SH3RF3: variants seen among roughly 807,000 people sequenced by gnomAD.
SH3RF3 encodes the protein SH3 domain containing ring finger 3, also known as E3 ubiquitin-protein ligase SH3RF3.
A neutral mutation model predicts 66.3 loss-of-function variants in SH3RF3; 29 were observed. The observed-to-expected ratio is 0.44, with a 90% CI of 0.33 to 0.60. The LOEUF is 0.60. Ranked by LOEUF, SH3RF3 falls within the 20% of genes least tolerant of loss-of-function variation. The probability of loss-of-function intolerance (pLI) is 0.04; values close to 1 mark genes in which losing one functional copy is unlikely to be tolerated. For missense variants in SH3RF3, 1,194 were observed against 1,190.9 expected (o/e 1.00, Z -0.04); for synonymous variants, 583 against 532.0 (o/e 1.10, Z -1.32).
chr2:109,240,850 C>T (rs1212654393), intron 1 of SH3RF3, among the ~76,000 whole-genome samples: 2 of 150,774 alleles, frequency 1.3e-5, no homozygotes, highest in African/African-American at 4.9e-5. Context: ...ACCCCCACCC[C>T]CACCCCTGCC....
At chr2:109,180,566 T>C (rs1269072742) in intron 1 of SH3RF3, among the ~76,000 whole-genome samples, 1 of 152,184 alleles carries the variant, frequency 6.6e-6, no homozygotes, top group Non-Finnish European at 1.5e-5. Flanking sequence ...AATTGAATCA[T>C]GGGGGTGGTT....
chr2:109,304,406 C>A (rs1208663474), intron 1 of SH3RF3, among the ~76,000 whole-genome samples: 3 of 152,152 alleles, frequency 2.0e-5, no homozygotes, highest in African/African-American at 7.2e-5. Context: ...CATGTTGTCA[C>A]AAATGACAAG....
intron 1 of SH3RF3, among the ~76,000 whole-genome samples, chr2:109,215,488 C>T (rs111247165): frequency 1.3e-4 from 20 of 152,120 alleles, no homozygotes; most frequent in African/African-American, 4.3e-4. Flanking sequence ...GGGAGGTAGC[C>T]GGGCCCTGAT....
At chr2:109,358,205 T>A (rs1682990376) in intron 2 of SH3RF3, among the ~76,000 whole-genome samples, 1 of 152,236 alleles carries the variant, frequency 6.6e-6, no homozygotes. Flanking sequence ...GGTCCTTCCA[T>A]GTCTTTTCAT....
intron 4 of SH3RF3, among the ~76,000 whole-genome samples, chr2:109,408,350 G>A (rs978391026): frequency 2.0e-5 from 3 of 152,176 alleles, no homozygotes; most frequent in Admixed American, 1.3e-4. Flanking sequence ...CTGGACGGGA[G>A]GACTGTGAGG....
At chr2:109,390,141 G>A (rs1675944908) in intron 3 of SH3RF3, among the ~76,000 whole-genome samples, 2 of 152,342 alleles carry the variant, frequency 1.3e-5, no homozygotes, top group South Asian at 4.1e-4. Context: ...GCTGCCAAGG[G>A]TCTGAGGTCT....
chr2:109,173,754 T>C (rs1677855952), intron 1 of SH3RF3, among the ~76,000 whole-genome samples: 1 of 152,158 alleles, frequency 6.6e-6, no homozygotes. Context: ...GGGACTGTGG[T>C]AGCCTGCCTG....
chr2:109,332,558 T>G (rs537055457), intron 1 of SH3RF3, among the ~76,000 whole-genome samples: 1 of 152,286 alleles, frequency 6.6e-6, no homozygotes, highest in South Asian at 2.1e-4. Flanking sequence ...TCCCCGCAGT[T>G]CAGCCCTCTC....
At chr2:109,191,454 G>A (rs1574495227) in intron 1 of SH3RF3, among the ~76,000 whole-genome samples, 1 of 152,182 alleles carries the variant, frequency 6.6e-6, no homozygotes, top group African/African-American at 2.4e-5. Context: ...ATGTGTTTGG[G>A]TGCGGCCAGG....
At chr2:109,237,380 CAA>C (rs758484627) in intron 1 of SH3RF3, among the ~76,000 whole-genome samples, 3 of 152,028 alleles carry the variant, frequency 2.0e-5, no homozygotes, top group African/African-American at 7.2e-5. Flanking sequence ...TTCAAAGTAA[CAA>C]AGAGTATAAA....
intron 1 of SH3RF3, among the ~76,000 whole-genome samples, chr2:109,216,153 G>A (rs111706485): frequency 0.017 from 2,612 of 152,254 alleles, 37 homozygotes; most frequent in Non-Finnish European, 0.027. Flanking sequence ...GCATCGGTGG[G>A]GAGTGAGTCG....
Position 109,129,681 on chromosome 2 carries a change from C to G in SH3RF3, c.141C>G (p.Asp47Glu). ...CCGCGGGGGCGGGCGAGGACATGGA[C>G]GAGTCGTCGCTGCTGGACCTGCTGG... ...ATAAGAGEDMDESSLLDLLEC... is the reference protein window; with the variant it reads ...ATAAGAGEDMEESSLLDLLEC... The change falls in exon 1 of 10, where the codon GAC becomes GAG. Residue 47 changes from aspartate (D) to glutamate (E), a missense_variant. By Grantham distance (45) the Asp-to-Glu change is conservative. Coordinates refer to ENST00000309415, the MANE Select transcript of SH3RF3 (RefSeq NM_001099289.3). The G allele has an allele frequency of 1.3e-6, 2 of 1,524,502 alleles. No individual in the cohort carries two copies. Among genetic ancestry groups the G allele is most frequent in the South Asian group, 2.4e-5 (2 of 81,978 alleles). 94.4% of individuals were successfully genotyped at this position (1,524,502 alleles called of 1,614,324 possible).
chr2:109,307,396 G>A (rs543257905), intron 1 of SH3RF3, among the ~76,000 whole-genome samples: 15 of 151,966 alleles, frequency 9.9e-5, no homozygotes, highest in Non-Finnish European at 1.9e-4. Flanking sequence ...TGCTCTGGGC[G>A]GAAGCTTGGA....
chr2:109,323,950 T>A (rs1325007034), intron 1 of SH3RF3, among the ~76,000 whole-genome samples: 1 of 152,220 alleles, frequency 6.6e-6, no homozygotes, highest in Non-Finnish European at 1.5e-5. Context: ...ATGCCATACC[T>A]ATCAGTAGTC....
intron 1 of SH3RF3, among the ~76,000 whole-genome samples, chr2:109,302,942 T>A (rs1681505366): frequency 6.6e-6 from 1 of 152,142 alleles, no homozygotes; most frequent in African/African-American, 2.4e-5. Context: ...AGTGGCATGA[T>A]CTTAGCTCAC....
At chr2:109,422,891 C>A (rs1309197550) in intron 5 of SH3RF3, among the ~76,000 whole-genome samples, 1 of 152,130 alleles carries the variant, frequency 6.6e-6, no homozygotes, top group Admixed American at 6.5e-5. Flanking sequence ...TCCGAGATGT[C>A]CTGTCATCAC....
At chr2:109,449,596 G>T in intron 8 of SH3RF3, 107 bp downstream of exon 8, 1 of 1,366,610 alleles carries the variant, frequency 7.3e-7, no homozygotes, top group East Asian at 2.6e-5. Flanking sequence ...TAGAATGTGG[G>T]CTCCAAGTGC....
In SH3RF3 at chr2:109,437,132, G is replaced by T. The variant is rs1249722600; in HGVS notation, c.1814G>T (p.Ser605Ile). The part of the protein sequence containing the change: ...SAQPTASQAR[S>I]TISTAAHSAA... ...CAGCCAACGGCCAGCCAAGCCCGGA[G>T]CACCATTTCAACAGGTACCTTCACA... The change falls in exon 7 of 10, where the codon AGC becomes ATC. Residue 605 changes from serine (S) to isoleucine (I), a missense_variant. By Grantham distance (142) the Ser-to-Ile change is moderately radical. Coordinates refer to ENST00000309415, the MANE Select transcript of SH3RF3 (RefSeq NM_001099289.3). 6.2e-7 allele frequency: 1 copy of T among 1,611,380 alleles called. No individual in the cohort carries two copies. Among genetic ancestry groups the T allele is most frequent in the Non-Finnish European group, 8.5e-7 (1 of 1,178,380 alleles).
Position 109,371,437 on chromosome 2 carries a change from T to C in SH3RF3, c.850-149T>C. 1.0e-5 allele frequency: 6 copies of C among 584,834 alleles called. No homozygotes were observed. In the South Asian group the frequency reaches 1.3e-4, roughly 13 times the overall value. 36.2% of individuals were successfully genotyped at this position (584,834 alleles called of 1,614,324 possible). Reference sequence around the variant, plus strand: ...AAGAGAGGGTGCTCCTGGGTGAAGATGTCAGATACCTGAATGGATAATGCA... The same window carrying C: ...AAGAGAGGGTGCTCCTGGGTGAAGACGTCAGATACCTGAATGGATAATGCA... On this transcript the variant is annotated intron_variant, in intron 2 of 9. Coordinates refer to ENST00000309415, the MANE Select transcript of SH3RF3 (RefSeq NM_001099289.3).
Sources: gnomAD v4.1 joint callset for allele counts (sites outside exome capture counted in the v4.1 genomes callset) on GRCh38, gnomAD v4.1.1 for gene constraint, MANE v1.5 for transcripts, NCBI Gene and HGNC (gene_info 2026-07-23, HGNC 2026-07-21) for gene names.